The following MAP4K3 variants were observed in gnomAD, a reference collection of about 807,000 sequenced individuals.
MAP4K3 encodes mitogen-activated protein kinase kinase kinase kinase 3.
In MAP4K3, 94 loss-of-function variants were observed where a neutral mutation model predicts 143.5. The observed-to-expected ratio is 0.65, with a 90% CI of 0.55 to 0.78. The LOEUF (loss-of-function observed/expected upper bound fraction) is 0.78. MAP4K3 is among the 30% of genes least tolerant of loss of function. MAP4K3 has a pLI of 0.00. For synonymous variants in MAP4K3, 416 were observed against 347.2 expected, an observed-to-expected ratio of 1.20 and a Z score of -2.20; for missense variants, 1,077 against 1,068.1, an observed-to-expected ratio of 1.01 and a Z score of -0.12.
rs565256851 is a variant in MAP4K3, at chr2:39,324,352, A to G, written c.918+1166T>C. Among the ~76,000 whole-genome samples, 14 of 152,252 alleles carry G rather than the reference A, an allele frequency of 9.2e-5. No individual in the cohort carries two copies. In the South Asian group the frequency reaches 2.5e-3, roughly 27 times the overall value. On this transcript the variant is annotated intron_variant, in intron 12 of 33. Coordinates refer to ENST00000263881, the MANE Select transcript of MAP4K3 (RefSeq NM_003618.4). Reference sequence around the variant, plus strand: ...AACCCAGGAGGCAGAGGCTGCAGTGAGCTGAGAGCATGCCATTGCACTCCA... The same window carrying G: ...AACCCAGGAGGCAGAGGCTGCAGTGGGCTGAGAGCATGCCATTGCACTCCA...
chr2:39,329,719 G>A (rs1194870179), intron 8 of MAP4K3, among the ~76,000 whole-genome samples: 1 of 152,198 alleles, frequency 6.6e-6, no homozygotes, highest in East Asian at 1.9e-4. Context: ...GAACCAAGGA[G>A]TGAAGAGGTT....
At chr2:39,358,909 C>T (rs998050566) in intron 2 of MAP4K3, among the ~76,000 whole-genome samples, 2 of 152,114 alleles carry the variant, frequency 1.3e-5, no homozygotes, top group African/African-American at 2.4e-5. Context: ...ATGAGACATG[C>T]GTGGTGACAC....
At chr2:39,367,107 T>C (rs576664796) in intron 2 of MAP4K3, among the ~76,000 whole-genome samples, 2 of 152,368 alleles carry the variant, frequency 1.3e-5, no homozygotes, top group South Asian at 4.1e-4. Context: ...AGTCTATTTA[T>C]TTGTTTGGCT....
intron 8 of MAP4K3, among the ~76,000 whole-genome samples, chr2:39,327,964 G>A (rs1230650473): frequency 6.6e-6 from 1 of 152,216 alleles, no homozygotes; most frequent in Non-Finnish European, 1.5e-5. Context: ...AGTCAACTGG[G>A]TTCATCTCTG....
At chr2:39,392,056 G>A (rs1359443973) in intron 1 of MAP4K3, among the ~76,000 whole-genome samples, 7 of 151,710 alleles carry the variant, frequency 4.6e-5, no homozygotes, top group East Asian at 3.9e-4. Flanking sequence ...TAGGTAGCGC[G>A]CGCCTGTAGT....
At chr2:39,337,242 G>C (rs992897865) in intron 5 of MAP4K3, among the ~76,000 whole-genome samples, 2 of 152,102 alleles carry the variant, frequency 1.3e-5, no homozygotes, top group African/African-American at 4.8e-5. Flanking sequence ...GAATTCCCAT[G>C]ATAGTGCTTA....
chr2:39,328,029 T>G (rs544940430), intron 8 of MAP4K3, among the ~76,000 whole-genome samples: 1 of 152,256 alleles, frequency 6.6e-6, no homozygotes, highest in South Asian at 2.1e-4. Flanking sequence ...ATAATGAAGG[T>G]TTAAAAGTTA....
Position 39,416,004 on chromosome 2 carries a change from T to TATATATATATATAA in MAP4K3, c.96+20887_96+20888insTTATATATATATAT, listed in dbSNP as rs1206690314. 3.2e-3 allele frequency among the ~76,000 whole-genome samples: 245 copies of TATATATATATATAA among 75,982 alleles called. 2 individuals are homozygous for TATATATATATATAA. The highest frequency in any genetic ancestry group is 5.2e-3 in the Non-Finnish European group (215 of 41,330). 49.8% of individuals were successfully genotyped at this position (75,982 alleles called of 152,430 possible). A position where few individuals can be genotyped will look rare whatever the true frequency, so the allele number is the denominator to read the frequency against. On this transcript the variant is annotated intron_variant, in intron 1 of 33. Coordinates refer to ENST00000263881, the MANE Select transcript of MAP4K3 (RefSeq NM_003618.4). ...AAATATATATATATATATATATATA[T>TATATATATATATAA]AAAAATAACATTTGGAAGAATAAAT...
At chr2:39,365,978 T>C (rs955418265) in intron 2 of MAP4K3, among the ~76,000 whole-genome samples, 2 of 152,238 alleles carry the variant, frequency 1.3e-5, no homozygotes, top group African/African-American at 2.4e-5. Context: ...TCAAAATACA[T>C]AATTTCTAAA....
intron 3 of MAP4K3, among the ~76,000 whole-genome samples, chr2:39,355,249 TACTCAGGAGGC>T (rs1665577442): frequency 2.0e-5 from 3 of 149,408 alleles, no homozygotes; most frequent in Admixed American, 6.8e-5. Flanking sequence ...CAGTCCCAGG[TACTCAGGAGGC>T]TGAGGCAGGG....
In MAP4K3 at chr2:39,290,331, T is replaced by A. The variant is rs1486314978; in HGVS notation, c.1275A>T (p.Ser425=). The change falls in exon 19 of 34, where the codon TCA becomes TCT. Residue 425 remains serine, a synonymous_variant. Transcript: ENST00000263881. ...DEGDDDESKH[S]TLKAKIPPPL... Reference sequence around the variant, plus strand: ...GAGGTGGAATTTTTGCTTTCAGAGTTGAGCTAAAAACAGAAAAGTTTAGAA... The same window carrying A: ...GAGGTGGAATTTTTGCTTTCAGAGTAGAGCTAAAAACAGAAAAGTTTAGAA... 2 of 1,603,954 alleles carry A rather than the reference T, an allele frequency of 1.2e-6. No individual in the cohort carries two copies. The highest frequency in any genetic ancestry group is 4.5e-5 in the East Asian group (2 of 44,622).
chr2:39,282,905 C>T (rs985495089), intron 21 of MAP4K3, among the ~76,000 whole-genome samples: 1 of 152,158 alleles, frequency 6.6e-6, no homozygotes, highest in Admixed American at 6.5e-5. Flanking sequence ...AATAGTTATA[C>T]ACTATCTGCA....
intron 1 of MAP4K3, among the ~76,000 whole-genome samples, chr2:39,428,552 T>G (rs1341321601): frequency 1.3e-5 from 2 of 151,700 alleles, no homozygotes; most frequent in Non-Finnish European, 2.9e-5. Context: ...GACGGGTGCC[T>G]GTAATCCCAG....
intron 2 of MAP4K3, among the ~76,000 whole-genome samples, chr2:39,369,549 C>T (rs1380736643): frequency 6.6e-6 from 1 of 152,148 alleles, no homozygotes; most frequent in Non-Finnish European, 1.5e-5. Flanking sequence ...ACAAATCAAA[C>T]TACTACTTCC....
At chr2:39,433,971 C>T (rs1258286263) in intron 1 of MAP4K3, among the ~76,000 whole-genome samples, 2 of 152,194 alleles carry the variant, frequency 1.3e-5, no homozygotes, top group Non-Finnish European at 2.9e-5. Context: ...GTTGATTTCA[C>T]AAGGTCACAT....
chr2:39,262,341 C>T (rs139244532), intron 28 of MAP4K3, among the ~76,000 whole-genome samples: 3 of 152,152 alleles, frequency 2.0e-5, no homozygotes, highest in African/African-American at 7.2e-5. Flanking sequence ...CTCCATTCCA[C>T]GGGCACAGAC....
At chr2:39,407,048 T>C (rs910089566) in intron 1 of MAP4K3, among the ~76,000 whole-genome samples, 3 of 152,184 alleles carry the variant, frequency 2.0e-5, no homozygotes, top group Non-Finnish European at 4.4e-5. Context: ...GTGGTATTTA[T>C]CCTAAGAATA....
chr2:39,288,570 C>A (rs1245038531), intron 19 of MAP4K3, among the ~76,000 whole-genome samples: 1 of 152,114 alleles, frequency 6.6e-6, no homozygotes, highest in Non-Finnish European at 1.5e-5. Flanking sequence ...CTTAGACTAG[C>A]CAAATAAAAA....
At chr2:39,295,250 G>A (rs1682223573) in intron 16 of MAP4K3, among the ~76,000 whole-genome samples, 1 of 152,078 alleles carries the variant, frequency 6.6e-6, no homozygotes, top group African/African-American at 2.4e-5. Flanking sequence ...AGAAACCACT[G>A]TGAAGAGCTG....
Sources: gnomAD v4.1 joint callset for allele counts (sites outside exome capture counted in the v4.1 genomes callset) on GRCh38, gnomAD v4.1.1 for gene constraint, MANE v1.5 for transcripts, NCBI Gene and HGNC (gene_info 2026-07-23, HGNC 2026-07-21) for gene names.